The following FAM110B variants were observed in gnomAD, a reference collection of about 807,000 sequenced individuals.
FAM110B encodes protein FAM110B.
Under a neutral mutation model 20.4 loss-of-function variants are expected in FAM110B, and 6 were observed. The ratio of observed to expected loss-of-function variants is 0.29; its 90% CI spans 0.16 to 0.58. FAM110B has a LOEUF of 0.58. FAM110B is among the 20% of genes least tolerant of loss of function. The probability of loss-of-function intolerance (pLI) is 0.90; values close to 1 mark genes in which losing one functional copy is unlikely to be tolerated. For synonymous variants in FAM110B, 226 were observed against 214.1 expected (o/e 1.06, Z -0.49); for missense variants, 434 against 498.2 (o/e 0.87, Z 1.23).
At chr8:58,124,192 CA>C (rs553915101) in intron 3 of FAM110B, among the ~76,000 whole-genome samples, 111 of 152,344 alleles carry the variant, frequency 7.3e-4, no homozygotes, top group African/African-American at 2.4e-3. Flanking sequence ...CTAGAGGCCA[CA>C]TATACTGGCA....
intron 2 of FAM110B, among the ~76,000 whole-genome samples, chr8:58,071,337 G>T (rs1805892557): frequency 1.3e-5 from 2 of 152,060 alleles, no homozygotes; most frequent in South Asian, 4.1e-4. Flanking sequence ...AAAAATTGAT[G>T]TCCTTCCCAT....
intron 3 of FAM110B, among the ~76,000 whole-genome samples, chr8:58,131,559 C>T (rs548569182): frequency 6.6e-6 from 1 of 152,356 alleles, no homozygotes; most frequent in East Asian, 1.9e-4. Flanking sequence ...CTTCCCATCT[C>T]TCCTGAAACC....
chr8:58,025,032 A>G (rs998162544), intron 1 of FAM110B, among the ~76,000 whole-genome samples: 9 of 152,200 alleles, frequency 5.9e-5, no homozygotes, highest in Admixed American at 6.5e-5. Context: ...CATAAACAAC[A>G]TGGCTAATTT....
At chr8:58,019,224 G>A (rs774034841) in intron 1 of FAM110B, among the ~76,000 whole-genome samples, 86 of 150,540 alleles carry the variant, frequency 5.7e-4, no homozygotes, top group Non-Finnish European at 9.0e-4. Flanking sequence ...TGTAGTTCCA[G>A]CTACTCGGGA....
chr8:58,057,142 G>T (rs767406362), intron 2 of FAM110B, among the ~76,000 whole-genome samples: 29 of 152,286 alleles, frequency 1.9e-4, no homozygotes, highest in Admixed American at 4.6e-4. Context: ...ACTCAGCTGG[G>T]CTCCCTGGTC....
chr8:58,040,876 T>A (rs1409328014), intron 2 of FAM110B, among the ~76,000 whole-genome samples: 2 of 151,768 alleles, frequency 1.3e-5, no homozygotes, highest in African/African-American at 4.8e-5. Flanking sequence ...TAATAAATGG[T>A]AGTGATAAAT....
At chr8:58,063,317 C>G (rs1805693412) in intron 2 of FAM110B, among the ~76,000 whole-genome samples, 1 of 152,082 alleles carries the variant, frequency 6.6e-6, no homozygotes, top group Non-Finnish European at 1.5e-5. Context: ...AAAAATTAAA[C>G]AATTCAGACA....
At chr8:58,143,036 A>G (rs1385592015) in intron 3 of FAM110B, among the ~76,000 whole-genome samples, 1 of 127,236 alleles carries the variant, frequency 7.9e-6, no homozygotes, top group Non-Finnish European at 1.8e-5. Flanking sequence ...TATCTCGTAC[A>G]AAGTCTACAC....
intron 3 of FAM110B, among the ~76,000 whole-genome samples, chr8:58,098,060 G>T (rs891534284): frequency 1.3e-5 from 2 of 152,236 alleles, no homozygotes; most frequent in African/African-American, 4.8e-5. Context: ...CCTTAGCAGA[G>T]CTCAAGCTCT....
At chr8:58,097,614 G>C (rs181454384) in intron 3 of FAM110B, among the ~76,000 whole-genome samples, 1 of 152,292 alleles carries the variant, frequency 6.6e-6, no homozygotes, top group Admixed American at 6.5e-5. Context: ...TCCTTTGGAG[G>C]AGAAGAGGCG....
intron 2 of FAM110B, among the ~76,000 whole-genome samples, chr8:58,045,444 A>C (rs551197598): frequency 6.6e-6 from 1 of 152,292 alleles, no homozygotes; most frequent in Admixed American, 6.5e-5. Flanking sequence ...TCCTGATCTG[A>C]CTGCATGCAC....
intron 2 of FAM110B, among the ~76,000 whole-genome samples, chr8:58,065,690 G>C (rs1805745051): frequency 6.6e-6 from 1 of 152,122 alleles, no homozygotes; most frequent in Admixed American, 6.5e-5. Context: ...GTGTAGGAAT[G>C]AATTGAGTGT....
At chr8:58,102,114 T>C (rs555147820) in intron 3 of FAM110B, among the ~76,000 whole-genome samples, 1 of 152,350 alleles carries the variant, frequency 6.6e-6, no homozygotes, top group South Asian at 2.1e-4. Flanking sequence ...CGCCAACACT[T>C]TTCAAGAATG....
chr8:58,043,998 C>T (rs1805273442), intron 2 of FAM110B, among the ~76,000 whole-genome samples: 3 of 152,228 alleles, frequency 2.0e-5, no homozygotes, highest in African/African-American at 7.2e-5. Flanking sequence ...TATTTCTTTG[C>T]ATTTGGTTTG....
intron 3 of FAM110B, among the ~76,000 whole-genome samples, chr8:58,104,328 A>AT (rs1422034775): frequency 1.3e-5 from 2 of 152,352 alleles, no homozygotes; most frequent in Admixed American, 6.5e-5. Context: ...AGCAGCTAAG[A>AT]TCCCAAGACA....
chr8:58,147,426 GCTT>G lies in FAM110B; in HGVS notation c.*86_*88del, dbSNP rs924604856. The stretch of plus-strand genomic sequence containing the variant: ...GTGAGGTCTCCTTGAAGTGTTGTGA[GCTT>G]CTCCACTCTTTGTGTTGCTTGTTGT... On this transcript the variant is annotated 3_prime_UTR_variant, in exon 4 of 4. Transcript: ENST00000519262. The G allele has an allele frequency of 1.5e-4, 222 of 1,468,090 alleles. No homozygotes were observed. Among genetic ancestry groups the G allele is most frequent in the Middle Eastern group, 2.2e-4 (1 of 4,574 alleles). 90.9% of individuals were successfully genotyped at this position (1,468,090 alleles called of 1,614,324 possible).
intron 3 of FAM110B, among the ~76,000 whole-genome samples, chr8:58,108,961 C>A (rs1806987017): frequency 6.6e-6 from 1 of 152,178 alleles, no homozygotes. Flanking sequence ...ACCCAACAAC[C>A]CTATTCAACC....
chr8:58,058,673 G>A (rs1805596485), intron 2 of FAM110B, among the ~76,000 whole-genome samples: 1 of 152,020 alleles, frequency 6.6e-6, no homozygotes, highest in Non-Finnish European at 1.5e-5. Flanking sequence ...CTTTAGATAT[G>A]CATGATATGC....
intron 3 of FAM110B, among the ~76,000 whole-genome samples, chr8:58,094,223 A>G (rs1296287908): frequency 6.6e-6 from 1 of 152,136 alleles, no homozygotes; most frequent in Non-Finnish European, 1.5e-5. Context: ...CTCTCTTCCT[A>G]TTTCAATACC....
Sources: gnomAD v4.1 joint callset for allele counts (sites outside exome capture counted in the v4.1 genomes callset) on GRCh38, gnomAD v4.1.1 for gene constraint, MANE v1.5 for transcripts, NCBI Gene and HGNC (gene_info 2026-07-23, HGNC 2026-07-21) for gene names.